ACTN4: variants seen among roughly 807,000 people sequenced by gnomAD.
ACTN4 encodes the protein alpha-actinin-4.
In ACTN4, 18 loss-of-function variants were observed where a neutral mutation model predicts 114.2. The ratio of observed to expected loss-of-function variants is 0.16; its 90% CI spans 0.11 to 0.23. ACTN4 has a LOEUF of 0.23. Ranked by LOEUF, ACTN4 falls within the 10% of genes least tolerant of loss-of-function variation. The probability of loss-of-function intolerance (pLI) is 1.00; values close to 1 mark genes in which losing one functional copy is unlikely to be tolerated. For synonymous variants in ACTN4, 515 were observed against 506.3 expected (o/e 1.02, Z -0.23); for missense variants, 722 against 1,262.9 (o/e 0.57, Z 6.49).
Position 38,708,913 on chromosome 19 carries a change from G to C in ACTN4, c.652-482G>C, listed in dbSNP as rs1411653713. On this transcript the variant is annotated intron_variant, in intron 6 of 20. Coordinates refer to ENST00000252699, the MANE Select transcript of ACTN4 (RefSeq NM_004924.6). ...AAGAGAGCTGGGCCCCGGCCAGGGA[G>C]AGTTGGAGTGCAGTGGGCTTTAGTC... 2.0e-5 allele frequency among the ~76,000 whole-genome samples: 3 copies of C among 152,190 alleles called. No individual in the cohort carries two copies. The East Asian group carries it at 5.8e-4, about 29-fold the overall frequency.
At chr19:38,689,199 T>G (rs35685980) in intron 1 of ACTN4, among the ~76,000 whole-genome samples, 8,565 of 152,254 alleles carry the variant, frequency 0.056, 254 homozygotes, top group South Asian at 0.095. Context: ...GCCAATGAAT[T>G]GATAAATAAA....
At position 38,727,627 on chromosome 19, in the gene ACTN4, ACCCC is replaced by A. The variant is rs3214908; in HGVS notation, c.2338-312_2338-309del. On this transcript the variant is annotated intron_variant, in intron 18 of 20. Coordinates refer to ENST00000252699, the MANE Select transcript of ACTN4 (RefSeq NM_004924.6). The surrounding 1 kb of genome is among the most constrained non-coding windows in gnomAD (Gnocchi z 5.4). ...ACTCCAAATCCCAAAGGCAAGGAGA[ACCCC>A]CCCCCCGACCCTCCACCAGTCCTGG... is the stretch of plus-strand genomic sequence containing the variant. Among the ~76,000 whole-genome samples, 1 of 123,576 alleles carries A rather than the reference ACCCC, an allele frequency of 8.1e-6. No homozygotes were observed. The highest frequency in any genetic ancestry group is 2.4e-4 in the East Asian group (1 of 4,254). The allele number at this position is 123,576 out of a possible 152,430, so 81.1% of individuals were successfully genotyped here. A position where few individuals can be genotyped will look rare whatever the true frequency, so the allele number is the denominator to read the frequency against.
In ACTN4 at chr19:38,716,942, G is replaced by C. The variant is rs185752145; in HGVS notation, c.913-144G>C. ...GTTGGGGGTTCTAGCAGGAATCGTG[G>C]AGAAGTTGGGCTGGGGAGCAGGGGT... is the stretch of plus-strand genomic sequence containing the variant. On this transcript the variant is annotated intron_variant, in intron 9 of 20. Coordinates refer to ENST00000252699, the MANE Select transcript of ACTN4 (RefSeq NM_004924.6). 0.011 allele frequency: 9,621 copies of C among 896,844 alleles called. 73 individuals are homozygous for C. The highest frequency in any genetic ancestry group is 0.014 in the Non-Finnish European group (8,170 of 568,000). 55.6% of individuals were successfully genotyped at this position (896,844 alleles called of 1,614,324 possible).
At chr19:38,721,221 G>A (rs907424448) in intron 11 of ACTN4, among the ~76,000 whole-genome samples, 3 of 152,168 alleles carry the variant, frequency 2.0e-5, no homozygotes, top group Non-Finnish European at 2.9e-5. Context: ...TTTCTAAGCC[G>A]TGCTACCACG....
At chr19:38,686,845 G>A (rs1462704713) in intron 1 of ACTN4, among the ~76,000 whole-genome samples, 1 of 152,192 alleles carries the variant, frequency 6.6e-6, no homozygotes, top group African/African-American at 2.4e-5. Flanking sequence ...GTCTGTTTGA[G>A]AACAGAGGCA....
Position 38,715,500 on chromosome 19 carries a change from A to T in ACTN4, c.912+939A>T, listed in dbSNP as rs964351954. Among the ~76,000 whole-genome samples, 3 of 152,136 alleles carry T rather than the reference A, an allele frequency of 2.0e-5. No homozygotes were observed. The South Asian group carries it at 6.2e-4, about 31-fold the overall frequency. ...GACAGAGCAAGACTCCATTAAAATA[A>T]AAATAAAATAAAATAAAATTTCCCA... On this transcript the variant is annotated intron_variant, in intron 9 of 20. Coordinates refer to ENST00000252699, the MANE Select transcript of ACTN4 (RefSeq NM_004924.6).
intron 17 of ACTN4, among the ~76,000 whole-genome samples, chr19:38,726,547 C>T (rs896324505): frequency 1.3e-5 from 2 of 152,178 alleles, no homozygotes; most frequent in African/African-American, 2.4e-5. Context: ...ACAAGCTGGT[C>T]GCCGTCATAT....
chr19:38,689,916 C>T (rs1967867484), intron 1 of ACTN4, among the ~76,000 whole-genome samples: 1 of 152,082 alleles, frequency 6.6e-6, no homozygotes, highest in Non-Finnish European at 1.5e-5. Context: ...TTTCCTAGGC[C>T]GACTAAGAAT....
intron 1 of ACTN4, chr19:38,648,256 G>A (rs917102514): frequency 3.3e-5 from 7 of 210,484 alleles, no homozygotes; most frequent in Non-Finnish European, 5.7e-5. Flanking sequence ...AGGCGGGCTT[G>A]AAGGGTCGGA....
At chr19:38,675,433 C>A (rs1967343166) in intron 1 of ACTN4, among the ~76,000 whole-genome samples, 1 of 152,068 alleles carries the variant, frequency 6.6e-6, no homozygotes, top group South Asian at 2.1e-4. Context: ...TGAGGTCTCA[C>A]CATGTTGCCC....
chr19:38,666,485 A>C (rs1966964826), intron 1 of ACTN4, among the ~76,000 whole-genome samples: 1 of 152,212 alleles, frequency 6.6e-6, no homozygotes, highest in South Asian at 2.1e-4. Context: ...CTTCTAGCAC[A>C]AGAAAATGTA....
At chr19:38,663,704 C>T (rs530964519) in intron 1 of ACTN4, among the ~76,000 whole-genome samples, 6 of 152,304 alleles carry the variant, frequency 3.9e-5, no homozygotes, top group African/African-American at 1.4e-4. Context: ...CCATGAGCAT[C>T]GTCTTCGGGG....
intron 9 of ACTN4, among the ~76,000 whole-genome samples, chr19:38,714,990 C>T (rs990277486): frequency 1.3e-5 from 2 of 152,176 alleles, no homozygotes; most frequent in African/African-American, 2.4e-5. Flanking sequence ...CCCAGCAAGA[C>T]GGGAACTCGG....
intron 1 of ACTN4, among the ~76,000 whole-genome samples, chr19:38,693,014 T>C (rs1967979775): frequency 6.6e-6 from 1 of 152,204 alleles, no homozygotes; most frequent in African/African-American, 2.4e-5. Flanking sequence ...GGGCTGGCTG[T>C]GGCCAGTTGC....
At chr19:38,709,611 G>A (rs568773279) in intron 7 of ACTN4, 135 bp downstream of exon 7, 2 of 783,556 alleles carry the variant, frequency 2.6e-6, no homozygotes, top group African/African-American at 1.7e-5. Flanking sequence ...CCAGCAAGAA[G>A]GGCTGAATGA....
intron 11 of ACTN4, 35 bp downstream of exon 11, chr19:38,718,109 C>G: frequency 6.3e-7 from 1 of 1,578,220 alleles, no homozygotes; most frequent in South Asian, 1.2e-5. Context: ...TGCCCAGCCC[C>G]GCTCCCGTGC....
intron 1 of ACTN4, among the ~76,000 whole-genome samples, chr19:38,648,836 G>T (rs377328693): frequency 1.3e-5 from 2 of 152,144 alleles, no homozygotes; most frequent in South Asian, 2.1e-4. Flanking sequence ...AAAAGCTAAA[G>T]CGTTGGAGAG....
At chr19:38,711,199 C>T (rs567259559) in intron 8 of ACTN4, 9 of 727,680 alleles carry the variant, frequency 1.2e-5, no homozygotes, top group Non-Finnish European at 1.3e-5. Flanking sequence ...GCATGAGCCT[C>T]AGGCCGGCCC....
chr19:38,729,533 C>T lies in ACTN4; in HGVS notation c.*101C>T. On this transcript the variant is annotated 3_prime_UTR_variant, in exon 21 of 21. Coordinates refer to ENST00000252699, the MANE Select transcript of ACTN4 (RefSeq NM_004924.6). Reference sequence around the variant, plus strand: ...ACTCTGTATCTATGCAAAGCACTCTCTGCAGTCCTCCGGGGTGGGTGGGTG... The same window carrying T: ...ACTCTGTATCTATGCAAAGCACTCTTTGCAGTCCTCCGGGGTGGGTGGGTG... 1 of 670,516 alleles carries T rather than the reference C, an allele frequency of 1.5e-6. No individual in the cohort carries two copies. The highest frequency in any genetic ancestry group is 2.3e-6 in the Non-Finnish European group (1 of 438,618). The allele number at this position is 670,516 out of a possible 1,614,324, so 41.5% of individuals were successfully genotyped here.
Sources: gnomAD v4.1 joint callset for allele counts (sites outside exome capture counted in the v4.1 genomes callset) on GRCh38, gnomAD v4.1.1 for gene constraint, Gnocchi (gnomAD v3.1) non-coding constraint, MANE v1.5 for transcripts, NCBI Gene and HGNC (gene_info 2026-07-23, HGNC 2026-07-21) for gene names.